TIAM2: variants seen among roughly 807,000 people sequenced by gnomAD.
The protein encoded by TIAM2 is TIAM Rac1 associated GEF 2.
TIAM2 carries 80 observed loss-of-function variants against 152.9 expected under a neutral mutation model. The ratio of observed to expected loss-of-function variants is 0.52; its 90% confidence interval spans 0.44 to 0.63. The LOEUF (loss-of-function observed/expected upper bound fraction) is 0.63, where lower values mean the gene tolerates loss of function less well. Ranked by LOEUF, TIAM2 falls within the 30% of genes least tolerant of loss-of-function variation. TIAM2 has a pLI of 0.00. For missense variants in TIAM2, 1,965 were observed against 2,120.1 expected (o/e 0.93, Z 1.44); for synonymous variants, 804 against 838.0 (o/e 0.96, Z 0.70).
intron 1 of TIAM2, among the ~76,000 whole-genome samples, chr6:155,009,796 A>G (rs1019505103): frequency 1.4e-4 from 22 of 152,112 alleles, no homozygotes; most frequent in Admixed American, 1.1e-3. Flanking sequence ...AATCCAGTGG[A>G]AGAGAGGATT....
chr6:155,129,896 A>C lies in TIAM2; in HGVS notation c.673A>C (p.Ser225Arg). ...RRGSSADSLP[S>R]HRPSPTDSRL... ...GGGGTCCAGCGCCGATTCCCTGCCCAGCCATCGCCCCTCTCCCACGGACTC... is the reference window on the plus strand; with the variant it reads ...GGGGTCCAGCGCCGATTCCCTGCCCCGCCATCGCCCCTCTCCCACGGACTC... Residue 225 changes from serine (S) to arginine (R), a missense_variant, in exon 4 of 27, where the codon AGC becomes CGC. Ser to Arg is a moderately radical substitution (Grantham distance 110, BLOSUM62 -1). Coordinates refer to ENST00000682666, the MANE Select transcript of TIAM2 (RefSeq NM_012454.4). The surrounding 1 kb of genome is among the most constrained non-coding windows in gnomAD (Gnocchi z 4.8). 2 of 1,613,824 alleles carry C rather than the reference A, an allele frequency of 1.2e-6. No individual in the cohort carries two copies. Among genetic ancestry groups the C allele is most frequent in the Non-Finnish European group, 1.7e-6 (2 of 1,180,016 alleles).
intron 14 of TIAM2, among the ~76,000 whole-genome samples, chr6:155,206,661 A>G (rs1041044276): frequency 2.8e-4 from 43 of 152,196 alleles, no homozygotes; most frequent in Non-Finnish European, 8.8e-5. Flanking sequence ...AATAAATTAA[A>G]TGACACATCC....
At chr6:155,091,699 T>C (rs1446215829) in intron 2 of TIAM2, among the ~76,000 whole-genome samples, 1 of 152,190 alleles carries the variant, frequency 6.6e-6, no homozygotes, top group Non-Finnish European at 1.5e-5. Context: ...CCTTTTTCTT[T>C]TTTTTATCAT....
intron 2 of TIAM2, among the ~76,000 whole-genome samples, chr6:155,107,748 T>C (rs1778732790): frequency 6.6e-6 from 1 of 152,190 alleles, no homozygotes; most frequent in Non-Finnish European, 1.5e-5. Context: ...CTTGTAATCT[T>C]GGGAGGGGGG....
At chr6:155,217,126 G>T in intron 15 of TIAM2, 1 of 1,288,880 alleles carries the variant, frequency 7.8e-7, no homozygotes. Flanking sequence ...CATGGGTAAA[G>T]ATTTTGATCC....
At chr6:155,118,413 TTTTCTTTTTCTTTTTCTTTTTC>T (rs1779064602) in intron 2 of TIAM2, among the ~76,000 whole-genome samples, 1 of 72,902 alleles carries the variant, frequency 1.4e-5, no homozygotes, top group East Asian at 2.2e-4. Flanking sequence ...TATTTTTCTT[TTTTCTTTTTCTTTTTCTTTTTC>T]TTTTTTTTTT....
intron 24 of TIAM2, chr6:155,253,579 CT>C (rs1441045968): frequency 2.3e-5 from 4 of 175,320 alleles, no homozygotes; most frequent in Non-Finnish European, 4.8e-5. Context: ...GTCAGAAGTG[CT>C]TATGTTTTCG....
intron 1 of TIAM2, among the ~76,000 whole-genome samples, chr6:155,063,923 AAAG>A: frequency 6.6e-6 from 1 of 152,338 alleles, no homozygotes; most frequent in South Asian, 2.1e-4. Context: ...GGATTAAAAA[AAAG>A]AAGAAAGCAG....
chr6:155,080,890 G>A (rs1778047596), intron 1 of TIAM2, among the ~76,000 whole-genome samples: 1 of 152,174 alleles, frequency 6.6e-6, no homozygotes, highest in African/African-American at 2.4e-5. Context: ...TATCCCCAGA[G>A]GGCAGCGTGA....
chr6:155,256,895 T>C lies in TIAM2; in HGVS notation c.4880T>C (p.Leu1627Pro). 6.2e-7 allele frequency: 1 copy of C among 1,614,126 alleles called. No individual in the cohort carries two copies. The highest frequency in any genetic ancestry group is 2.2e-5 in the East Asian group (1 of 44,882). Reference sequence around the variant, plus strand: ...CAGAAAGGAGGAGAGCAGCCCAAACTGGTCCGGGGGCACTTCTGCCCCATT... The same window carrying C: ...CAGAAAGGAGGAGAGCAGCCCAAACCGGTCCGGGGGCACTTCTGCCCCATT... ...EGQKGGEQPK[L>P]VRGHFCPIKR... is the part of the protein sequence containing the mutation. Residue 1627 changes from leucine to proline, a missense_variant, in exon 27 of 27, where the codon CTG becomes CCG. Transcript: ENST00000682666.
chr6:155,108,566 T>A (rs1778753527), intron 2 of TIAM2, among the ~76,000 whole-genome samples: 1 of 152,186 alleles, frequency 6.6e-6, no homozygotes, highest in African/African-American at 2.4e-5. Context: ...TGCAAATAGA[T>A]AACACCTTTT....
intron 2 of TIAM2, 91 bp from the exon 3 acceptor site, chr6:155,127,399 T>C (rs773452105): frequency 1.7e-4 from 60 of 354,432 alleles, no homozygotes; most frequent in Non-Finnish European, 3.2e-4. Flanking sequence ...CAGTTGTTTC[T>C]TCATATAATT....
At chr6:155,002,081 A>T (rs1778322654) in intron 1 of TIAM2, among the ~76,000 whole-genome samples, 2 of 152,244 alleles carry the variant, frequency 1.3e-5, no homozygotes, top group African/African-American at 4.8e-5. Context: ...GCGCCTTCTT[A>T]GAATATTGTT....
chr6:155,085,896 T>G (rs1438480605), intron 1 of TIAM2, among the ~76,000 whole-genome samples: 2 of 152,178 alleles, frequency 1.3e-5, no homozygotes, highest in Non-Finnish European at 2.9e-5. Flanking sequence ...TAGCATTGCT[T>G]GAGTTTTATT....
chr6:155,028,306 TGTACTGTGTTACATATATACTACATATA>T, intron 1 of TIAM2, among the ~76,000 whole-genome samples: 1 of 107,944 alleles, frequency 9.3e-6, no homozygotes, highest in African/African-American at 4.3e-5. Flanking sequence ...ACTACATATA[TGTACTGTGTTACATATATACTACATATA>T]ATATATACTG....
intron 2 of TIAM2, among the ~76,000 whole-genome samples, chr6:155,102,190 G>C (rs1007883109): frequency 1.3e-5 from 2 of 150,736 alleles, no homozygotes; most frequent in Non-Finnish European, 2.9e-5. Context: ...GGGTATCACT[G>C]TGTTGGCCAG....
chr6:155,013,917 T>TAC (rs3082347), intron 1 of TIAM2: 8,193 of 145,232 alleles, frequency 0.056, 266 homozygotes, highest in Non-Finnish European at 0.067. Context: ...TGTATCTGTC[T>TAC]ACACACACAC....
In TIAM2 at chr6:155,244,073, A is replaced by G. The variant is rs911392242; in HGVS notation, c.3411A>G (p.Gln1137=). 6.2e-7 allele frequency: 1 copy of G among 1,614,028 alleles called. No homozygotes were observed. Among genetic ancestry groups the G allele is most frequent in the Admixed American group, 1.7e-5 (1 of 60,022 alleles). Residue 1137 remains glutamine, a synonymous_variant, in exon 17 of 27, where the codon CAA becomes CAG. Transcript: ENST00000682666. ...TTCAGAATGAGACCTTTCTTACCCAAGATGAGGTAAATAAAATCACCTTCC... is the reference window on the plus strand; with the variant it reads ...TTCAGAATGAGACCTTTCTTACCCAGGATGAGGTAAATAAAATCACCTTCC... The part of the protein sequence containing the change: ...EPLQNETFLT[Q]DEMESLFGSL...
intron 1 of TIAM2, among the ~76,000 whole-genome samples, chr6:155,013,001 C>A (rs140243463): frequency 6.6e-6 from 1 of 152,118 alleles, no homozygotes; most frequent in African/African-American, 2.4e-5. Flanking sequence ...GTTTAAGTAA[C>A]CTGCCCAGTT....
Sources: gnomAD v4.1 joint callset for allele counts (sites outside exome capture counted in the v4.1 genomes callset) on GRCh38, gnomAD v4.1.1 for gene constraint, Gnocchi (gnomAD v3.1) non-coding constraint, MANE v1.5 for transcripts, NCBI Gene and HGNC (gene_info 2026-07-23, HGNC 2026-07-21) for gene names.